The following GAS7 variants were observed in gnomAD, a reference collection of about 807,000 sequenced individuals.
GAS7 encodes the protein growth arrest-specific protein 7.
In GAS7, 28 loss-of-function variants were observed where a neutral mutation model predicts 71.1. The ratio of observed to expected loss-of-function variants is 0.39; its 90% CI spans 0.29 to 0.54. GAS7 has a LOEUF of 0.54. Among genes scored for constraint, GAS7 ranks in the 20% least tolerant of loss-of-function variants. The pLI is 0.62. For synonymous variants in GAS7, 258 were observed against 245.8 expected (o/e 1.05, Z -0.46); for missense variants, 436 against 627.8 (o/e 0.69, Z 3.27).
At chr17:10,183,978 G>A (rs1171665518) in intron 1 of GAS7, among the ~76,000 whole-genome samples, 19 of 152,104 alleles carry the variant, frequency 1.2e-4, no homozygotes, top group African/African-American at 3.1e-4. Context: ...GTTTCTGGCC[G>A]ACCCTTGAAC....
chr17:10,182,529 A>C (rs941011710), intron 1 of GAS7, among the ~76,000 whole-genome samples: 1 of 152,170 alleles, frequency 6.6e-6, no homozygotes, highest in Non-Finnish European at 1.5e-5. Context: ...TCCTGTGTGA[A>C]GCCAAGAACC....
At chr17:10,060,901 A>G (rs1396867716) in intron 1 of GAS7, among the ~76,000 whole-genome samples, 1 of 152,150 alleles carries the variant, frequency 6.6e-6, no homozygotes, top group African/African-American at 2.4e-5. Context: ...CCTTGGACAC[A>G]TTTATGGGTT....
chr17:9,954,193 C>T (rs2069133541), intron 5 of GAS7, among the ~76,000 whole-genome samples: 1 of 152,128 alleles, frequency 6.6e-6, no homozygotes, highest in South Asian at 2.1e-4. Flanking sequence ...GAGCTGTGTC[C>T]CACTGCGTAC....
intron 2 of GAS7, 144 bp downstream of exon 2, chr17:10,019,632 TA>T (rs2072181566): frequency 2.7e-6 from 2 of 744,178 alleles, no homozygotes; most frequent in Non-Finnish European, 2.1e-6. Flanking sequence ...GTGGGAGGAG[TA>T]AGACTTTACT....
intron 3 of GAS7, among the ~76,000 whole-genome samples, chr17:9,975,371 A>C (rs2070148738): frequency 6.6e-6 from 1 of 152,138 alleles, no homozygotes; most frequent in Admixed American, 6.5e-5. Flanking sequence ...AACCAAAAAA[A>C]ACAAAGTTGA....
At chr17:10,027,002 G>A (rs1308368595) in intron 1 of GAS7, 2 of 152,172 alleles carry the variant, frequency 1.3e-5, no homozygotes, top group African/African-American at 2.4e-5. Flanking sequence ...AACACATCCT[G>A]AGGACTGCAG....
intron 1 of GAS7, among the ~76,000 whole-genome samples, chr17:10,167,967 G>A (rs2074308319): frequency 6.6e-6 from 1 of 152,136 alleles, no homozygotes; most frequent in African/African-American, 2.4e-5. Flanking sequence ...CCAGAGTGCT[G>A]GGATTACAGG....
chr17:10,036,464 C>T (rs1371218576), intron 1 of GAS7: 1 of 1,613,500 alleles, frequency 6.2e-7, no homozygotes. Flanking sequence ...TCTCTGGGGG[C>T]TGCTACCTCA....
chr17:10,057,363 G>A (rs1190374047), intron 1 of GAS7, among the ~76,000 whole-genome samples: 4 of 151,650 alleles, frequency 2.6e-5, no homozygotes, highest in South Asian at 2.1e-4. Context: ...CTCTCTGCCC[G>A]GCCCCCCATC....
intron 4 of GAS7, among the ~76,000 whole-genome samples, chr17:9,967,732 T>C (rs2069779940): frequency 6.6e-6 from 1 of 152,200 alleles, no homozygotes; most frequent in African/African-American, 2.4e-5. Context: ...CCATCATCCC[T>C]TTTACCCATC....
intron 1 of GAS7, among the ~76,000 whole-genome samples, chr17:10,196,911 A>T (rs949925737): frequency 1.3e-5 from 2 of 152,196 alleles, no homozygotes; most frequent in African/African-American, 4.8e-5. Flanking sequence ...TCCTACAAGT[A>T]GGGTATCTCC....
intron 1 of GAS7, among the ~76,000 whole-genome samples, chr17:10,160,294 A>T (rs981740516): frequency 1.3e-5 from 2 of 152,232 alleles, no homozygotes; most frequent in African/African-American, 4.8e-5. Context: ...TGGATCTTCA[A>T]GCAATTCGTA....
chr17:10,154,973 T>C (rs1228381155), intron 1 of GAS7, among the ~76,000 whole-genome samples: 1 of 149,638 alleles, frequency 6.7e-6, no homozygotes, highest in East Asian at 2.0e-4. Flanking sequence ...ATGTCCACAG[T>C]CTGCATGGGA....
At chr17:9,928,364 C>G (rs1368806295) in intron 9 of GAS7, among the ~76,000 whole-genome samples, 1 of 151,808 alleles carries the variant, frequency 6.6e-6, no homozygotes, top group Non-Finnish European at 1.5e-5. Flanking sequence ...CCTCGTGATC[C>G]GCCCGCCTCG....
intron 1 of GAS7, among the ~76,000 whole-genome samples, chr17:10,043,464 C>A (rs1279878351): frequency 6.6e-6 from 1 of 152,186 alleles, no homozygotes; most frequent in Non-Finnish European, 1.5e-5. Flanking sequence ...AAAATCTGTA[C>A]CTAACTTTTG....
chr17:10,165,228 C>CACCA (rs2074284951), intron 1 of GAS7, among the ~76,000 whole-genome samples: 1 of 142,784 alleles, frequency 7.0e-6, no homozygotes, highest in Admixed American at 7.2e-5. Flanking sequence ...GGAGGCAGAG[C>CACCA]TTGCAGTGAG....
chr17:10,189,257 G>C (rs34140713), intron 1 of GAS7, among the ~76,000 whole-genome samples: 55,498 of 151,858 alleles, frequency 0.37, 10,560 homozygotes, highest in African/African-American at 0.47. Flanking sequence ...GTTGACACTA[G>C]CTGCAACATA....
intron 1 of GAS7, among the ~76,000 whole-genome samples, chr17:10,173,629 G>T (rs140160200): frequency 0.2 from 30,227 of 152,022 alleles, 3,049 homozygotes; most frequent in Middle Eastern, 0.27. Flanking sequence ...TTAGCCGGGT[G>T]TGGCAGCGGG....
At chr17:9,940,598 C>T (rs2068568196) in intron 7 of GAS7, among the ~76,000 whole-genome samples, 1 of 152,288 alleles carries the variant, frequency 6.6e-6, no homozygotes, top group African/African-American at 2.4e-5. Context: ...TGTCCCCTCT[C>T]CCTTCCAGCC....
Sources: gnomAD v4.1 joint callset for allele counts (sites outside exome capture counted in the v4.1 genomes callset) on GRCh38, gnomAD v4.1.1 for gene constraint, MANE v1.5 for transcripts, NCBI Gene and HGNC (gene_info 2026-07-23, HGNC 2026-07-21) for gene names.